CACNA1E: variants seen among roughly 807,000 people sequenced by gnomAD.
The protein encoded by CACNA1E is voltage-dependent R-type calcium channel subunit alpha-1E.
A neutral mutation model predicts 259.2 loss-of-function variants in CACNA1E; 40 were observed. The observed-to-expected ratio is 0.15, with a 90% confidence interval of 0.12 to 0.20. CACNA1E has a LOEUF of 0.20. Ranked by LOEUF, CACNA1E falls within the 10% of genes least tolerant of loss-of-function variation. The pLI is 1.00. For synonymous variants in CACNA1E, 1,104 were observed against 1,138.5 expected, an observed-to-expected ratio of 0.97 and a Z score of 0.61; for missense variants, 1,874 against 3,040.1, an observed-to-expected ratio of 0.62 and a Z score of 9.02.
intron 34 of CACNA1E, among the ~76,000 whole-genome samples, chr1:181,765,909 C>T (rs1309671596): frequency 6.6e-6 from 1 of 152,182 alleles, no homozygotes; most frequent in African/African-American, 2.4e-5. Context: ...TAAGCATGCG[C>T]AGTATGGAAT....
chr1:181,671,498 A>G (rs1157971689), intron 7 of CACNA1E, among the ~76,000 whole-genome samples: 2 of 152,252 alleles, frequency 1.3e-5, no homozygotes, highest in African/African-American at 2.4e-5. Flanking sequence ...CAGGCTTTGG[A>G]TAGCAACTTT....
chr1:181,783,033 C>T (rs936849005), intron 39 of CACNA1E, among the ~76,000 whole-genome samples: 3 of 152,140 alleles, frequency 2.0e-5, no homozygotes, highest in Admixed American at 6.5e-5. Context: ...CTGTCTCCTC[C>T]GCTCTCCCCA....
chr1:181,464,896 G>T (rs1049148480), intron 2 of CACNA1E, among the ~76,000 whole-genome samples: 1 of 151,752 alleles, frequency 6.6e-6, no homozygotes, highest in Non-Finnish European at 1.5e-5. Context: ...TAGTAATTTA[G>T]TTCCTTTTTT....
At chr1:181,781,615 TG>T in intron 39 of CACNA1E, 92 bp downstream of exon 39, 2 of 736,396 alleles carry the variant, frequency 2.7e-6, no homozygotes, top group African/African-American at 1.7e-5. Context: ...GAAGCCAGGC[TG>T]GGGAGGTGGA....
intron 1 of CACNA1E, among the ~76,000 whole-genome samples, chr1:181,344,892 C>T (rs1652468040): frequency 6.6e-6 from 1 of 152,238 alleles, no homozygotes; most frequent in Non-Finnish European, 1.5e-5. Flanking sequence ...GGGAGCTAAC[C>T]AGCTCTGAGG....
chr1:181,327,434 C>G (rs938702001), intron 1 of CACNA1E, among the ~76,000 whole-genome samples: 3 of 152,250 alleles, frequency 2.0e-5, no homozygotes, highest in African/African-American at 7.2e-5. Flanking sequence ...TGCCATGAAG[C>G]TGAAGTGGAA....
rs893394907 is a variant in CACNA1E at position 181,690,853 on chromosome 1, A to C, written c.1056-20101A>C. 2.0e-5 allele frequency among the ~76,000 whole-genome samples: 3 copies of C among 151,622 alleles called. 1 individual carries two copies. The highest frequency in any genetic ancestry group is 7.3e-5 in the African/African-American group (3 of 41,358). ...CTGAGACTTTGTTCTAGTTTTTTTT[A>C]ATCAAGTATTTTGGATTTTCTACAT... is the stretch of plus-strand genomic sequence containing the variant. On this transcript the variant is annotated intron_variant, in intron 7 of 47. Coordinates refer to ENST00000367573, the MANE Select transcript of CACNA1E (RefSeq NM_001205293.3).
At chr1:181,379,894 C>T (rs1211253136) in intron 1 of CACNA1E, among the ~76,000 whole-genome samples, 1 of 151,158 alleles carries the variant, frequency 6.6e-6, no homozygotes, top group Non-Finnish European at 1.5e-5. Flanking sequence ...CAGCAGATTT[C>T]TTTTGGAAAC....
rs150864235 is a variant in CACNA1E at position 181,771,181 on chromosome 1, C to A, written c.4882-112C>A. 2.0e-5 allele frequency: 13 copies of A among 639,038 alleles called. No homozygotes were observed. In the African/African-American group the frequency reaches 2.2e-4, roughly 11 times the overall value. 39.6% of individuals were successfully genotyped at this position (639,038 alleles called of 1,614,324 possible). Reference sequence around the variant, plus strand: ...CTCTCTGGGTCTGAGTTGTCTGCTTCAGGGGTAGGTCATCGGGAAGAGCCA... The same window carrying A: ...CTCTCTGGGTCTGAGTTGTCTGCTTAAGGGGTAGGTCATCGGGAAGAGCCA... On this transcript the variant is annotated intron_variant, in intron 35 of 47. Coordinates refer to ENST00000367573, the MANE Select transcript of CACNA1E (RefSeq NM_001205293.3).
chr1:181,359,433 A>G (rs776025430), intron 1 of CACNA1E, among the ~76,000 whole-genome samples: 2 of 152,208 alleles, frequency 1.3e-5, no homozygotes, highest in Admixed American at 6.5e-5. Context: ...CGTGGGCAAA[A>G]CCACAGAAGT....
chr1:181,423,910 A>C (rs575739405), intron 2 of CACNA1E, among the ~76,000 whole-genome samples: 12 of 152,242 alleles, frequency 7.9e-5, no homozygotes, highest in African/African-American at 2.9e-4. Flanking sequence ...GTATGTTTTT[A>C]GAGGGGGCAG....
At chr1:181,637,506 G>T (rs1219014366) in intron 6 of CACNA1E, among the ~76,000 whole-genome samples, 3 of 124,408 alleles carry the variant, frequency 2.4e-5, no homozygotes, top group Non-Finnish European at 4.8e-5. Flanking sequence ...GTGTCTTTGT[G>T]TCTTTCTGTC....
Position 181,715,297 on chromosome 1 carries a change from G to T in CACNA1E, c.1172-41G>T, listed in dbSNP as rs367948281. ...GATTTTAATCTTGCAGAATAATTTG[G>T]CATTTACAGATAATTTACCAAACCA... On this transcript the variant is annotated intron_variant, in intron 8 of 47. Coordinates refer to ENST00000367573, the MANE Select transcript of CACNA1E (RefSeq NM_001205293.3). 5.2e-5 allele frequency: 64 copies of T among 1,236,856 alleles called. 1 individual carries two copies. The highest frequency in any genetic ancestry group is 7.5e-5 in the Non-Finnish European group (64 of 848,166). The allele number at this position is 1,236,856 out of a possible 1,614,324, so 76.6% of individuals were successfully genotyped here. A position where few individuals can be genotyped will look rare whatever the true frequency, so the allele number is the denominator to read the frequency against.
intron 7 of CACNA1E, among the ~76,000 whole-genome samples, chr1:181,675,194 A>G (rs530453907): frequency 6.6e-6 from 1 of 152,350 alleles, no homozygotes; most frequent in East Asian, 1.9e-4. Context: ...CGTGGTTTAT[A>G]TAAGCAGGAA....
intron 1 of CACNA1E, among the ~76,000 whole-genome samples, chr1:181,382,694 A>C (rs1034602551): frequency 6.6e-6 from 1 of 152,222 alleles, no homozygotes; most frequent in Non-Finnish European, 1.5e-5. Context: ...GCAAATAGCA[A>C]TAACAATCTT....
At chr1:181,373,550 T>A (rs1654857047) in intron 1 of CACNA1E, among the ~76,000 whole-genome samples, 2 of 147,574 alleles carry the variant, frequency 1.4e-5, no homozygotes, top group African/African-American at 5.0e-5. Context: ...TTTTTTTTTT[T>A]TTTTTGAGAC....
At chr1:181,327,305 T>A (rs1650871649) in intron 1 of CACNA1E, among the ~76,000 whole-genome samples, 1 of 152,184 alleles carries the variant, frequency 6.6e-6, no homozygotes, top group African/African-American at 2.4e-5. Context: ...TCCTTAACAC[T>A]TGACTTTGAA....
At chr1:181,484,095 C>A in intron 1 of CACNA1E, 85 bp downstream of exon 1, 2 of 1,351,244 alleles carry the variant, frequency 1.5e-6, no homozygotes, top group Non-Finnish European at 2.1e-6. Context: ...AATGTATCCC[C>A]CACCCCTTCC....
chr1:181,698,062 A>G (rs1651884976), intron 7 of CACNA1E, among the ~76,000 whole-genome samples: 1 of 152,198 alleles, frequency 6.6e-6, no homozygotes, highest in Non-Finnish European at 1.5e-5. Context: ...CTATGTAAAA[A>G]TGTCTTCTCC....
Sources: allele counts gnomAD v4.1 joint callset (sites outside exome capture counted in the v4.1 genomes callset), GRCh38; gene constraint gnomAD v4.1.1; transcripts MANE v1.5; gene names NCBI Gene and HGNC (gene_info 2026-07-23, HGNC 2026-07-21).